Variants in SLC30A8 observed in about 807,000 individuals in gnomAD.
SLC30A8 encodes solute carrier family 30 member 8.
Under a neutral mutation model 36.9 loss-of-function variants are expected in SLC30A8, and 27 were observed. The ratio of observed to expected loss-of-function variants is 0.73; its 90% CI spans 0.54 to 1.01. SLC30A8 has a LOEUF of 1.01. SLC30A8 is among the 50% of genes least tolerant of loss of function. SLC30A8 has a pLI of 0.00. For missense variants in SLC30A8, 439 were observed against 452.0 expected (o/e 0.97, Z 0.26); for synonymous variants, 164 against 172.4 (o/e 0.95, Z 0.38).
intron 1 of SLC30A8, among the ~76,000 whole-genome samples, chr8:117,020,144 C>T (rs1469301182): frequency 2.6e-5 from 4 of 151,998 alleles, no homozygotes; most frequent in Non-Finnish European, 5.9e-5. Flanking sequence ...AACTTAGCTT[C>T]CAACAGATGA....
intron 4 of SLC30A8, among the ~76,000 whole-genome samples, chr8:117,160,439 G>A (rs940559459): frequency 1.3e-5 from 2 of 148,810 alleles, no homozygotes; most frequent in Non-Finnish European, 3.0e-5. Flanking sequence ...GTGTGTGCGC[G>A]CACATGTGCG....
At position 117,170,967 on chromosome 8, in the gene SLC30A8, GT is replaced by G. The variant is rs1823347415; in HGVS notation, c.830-64del. On this transcript the variant is annotated intron_variant, in intron 6 of 7. Transcript: ENST00000456015. Reference sequence around the variant, plus strand: ...AATTTTGGTGAGGACTTTGCAGCTTGTTTAGGTAATTCAATGAGCTGTATCT... The same window carrying G: ...AATTTTGGTGAGGACTTTGCAGCTTGTTAGGTAATTCAATGAGCTGTATCT... 1.2e-5 allele frequency: 17 copies of G among 1,410,976 alleles called. No individual in the cohort carries two copies. In the South Asian group the frequency reaches 2.1e-4, roughly 18 times the overall value. 87.4% of individuals were successfully genotyped at this position (1,410,976 alleles called of 1,614,324 possible). A position where few individuals can be genotyped will look rare whatever the true frequency, so the allele number is the denominator to read the frequency against.
chr8:116,987,646 C>G (rs1054688013), intron 1 of SLC30A8, among the ~76,000 whole-genome samples: 4 of 151,930 alleles, frequency 2.6e-5, no homozygotes, highest in Admixed American at 2.0e-4. Context: ...AAATCCATAG[C>G]CTGTGAGCTA....
chr8:116,967,121 G>A (rs1011765830), intron 1 of SLC30A8, among the ~76,000 whole-genome samples: 1 of 152,118 alleles, frequency 6.6e-6, no homozygotes, highest in African/African-American at 2.4e-5. Flanking sequence ...ATAATATCAT[G>A]ACTCAAATAA....
chr8:117,079,872 T>C (rs1818610248), intron 2 of SLC30A8, among the ~76,000 whole-genome samples: 1 of 152,232 alleles, frequency 6.6e-6, no homozygotes, highest in Non-Finnish European at 1.5e-5. Context: ...CTTTTTTGTT[T>C]AGACTAACTT....
At chr8:116,953,747 C>T (rs1053205477) in intron 1 of SLC30A8, among the ~76,000 whole-genome samples, 3 of 152,064 alleles carry the variant, frequency 2.0e-5, no homozygotes, top group Non-Finnish European at 4.4e-5. Flanking sequence ...TTTTCTTCAT[C>T]TCGTTTTCTG....
At chr8:117,055,462 A>G (rs1432593677) in intron 2 of SLC30A8, among the ~76,000 whole-genome samples, 1 of 152,224 alleles carries the variant, frequency 6.6e-6, no homozygotes, top group African/African-American at 2.4e-5. Context: ...GACTTCACGT[A>G]TCAACAACAG....
At chr8:117,154,021 G>A (rs1175623186) in intron 3 of SLC30A8, among the ~76,000 whole-genome samples, 1 of 152,116 alleles carries the variant, frequency 6.6e-6, no homozygotes, top group African/African-American at 2.4e-5. Flanking sequence ...TAACCAAGTA[G>A]CATAAACAAC....
intron 2 of SLC30A8, among the ~76,000 whole-genome samples, chr8:117,081,821 C>G (rs1177400514): frequency 6.6e-6 from 1 of 152,200 alleles, no homozygotes. Flanking sequence ...TTGTGGCCAG[C>G]TATCTGTTTG....
intron 1 of SLC30A8, among the ~76,000 whole-genome samples, chr8:116,991,789 T>G (rs75559537): frequency 1.3e-5 from 2 of 152,326 alleles, no homozygotes; most frequent in Non-Finnish European, 2.9e-5. Context: ...GGAATTTAAA[T>G]TACTTTTTTT....
At chr8:117,021,221 T>G (rs1317594500) in intron 1 of SLC30A8, among the ~76,000 whole-genome samples, 1 of 152,234 alleles carries the variant, frequency 6.6e-6, no homozygotes, top group Non-Finnish European at 1.5e-5. Context: ...CAAAAAGGTT[T>G]GCTGCCTTCT....
chr8:117,055,498 T>A (rs574728011), intron 2 of SLC30A8, among the ~76,000 whole-genome samples: 102 of 152,352 alleles, frequency 6.7e-4, no homozygotes, highest in African/African-American at 2.4e-3. Context: ...CGGGGGCCCT[T>A]CTCCAGCTCC....
At chr8:117,116,807 A>G (rs950567117) in intron 2 of SLC30A8, among the ~76,000 whole-genome samples, 1 of 152,068 alleles carries the variant, frequency 6.6e-6, no homozygotes, top group Non-Finnish European at 1.5e-5. Flanking sequence ...CAGTGACTTC[A>G]TATGTTTATT....
At chr8:116,997,374 T>C (rs890850999) in intron 1 of SLC30A8, among the ~76,000 whole-genome samples, 2 of 152,254 alleles carry the variant, frequency 1.3e-5, no homozygotes, top group African/African-American at 4.8e-5. Context: ...TCATTATTTA[T>C]GACATTTTCC....
chr8:117,050,077 A>T (rs949504473), intron 2 of SLC30A8, among the ~76,000 whole-genome samples: 1 of 152,204 alleles, frequency 6.6e-6, no homozygotes, highest in South Asian at 2.1e-4. Flanking sequence ...CTTGGAAGGC[A>T]ACAGCATGCT....
chr8:116,984,982 A>G (rs1815393091), intron 1 of SLC30A8, among the ~76,000 whole-genome samples: 1 of 152,100 alleles, frequency 6.6e-6, no homozygotes, highest in South Asian at 2.1e-4. Context: ...AAATGTAAAA[A>G]TAAAATTACA....
At chr8:117,116,369 T>A (rs1393172139) in intron 2 of SLC30A8, among the ~76,000 whole-genome samples, 1 of 152,084 alleles carries the variant, frequency 6.6e-6, no homozygotes, top group Non-Finnish European at 1.5e-5. Context: ...ACAATACTGA[T>A]GTCACGGACA....
chr8:117,125,657 C>G (rs1166430344), intron 2 of SLC30A8, among the ~76,000 whole-genome samples: 10 of 151,690 alleles, frequency 6.6e-5, no homozygotes. Context: ...GCTGCAGTTA[C>G]AAGAATGATA....
chr8:116,994,401 G>A (rs1815747632), intron 1 of SLC30A8, among the ~76,000 whole-genome samples: 1 of 152,038 alleles, frequency 6.6e-6, no homozygotes, highest in Admixed American at 6.6e-5. Context: ...AGATGTTCAG[G>A]CAGTGTCAAA....
Sources: allele counts gnomAD v4.1 joint callset (sites outside exome capture counted in the v4.1 genomes callset), GRCh38; gene constraint gnomAD v4.1.1; transcripts MANE v1.5; gene names NCBI Gene and HGNC (gene_info 2026-07-23, HGNC 2026-07-21).